EIF2S2: variants seen among roughly 807,000 people sequenced by gnomAD.
EIF2S2 encodes eukaryotic translation initiation factor 2 subunit beta.
Under a neutral mutation model 44.0 loss-of-function variants are expected in EIF2S2, and 4 were observed. The observed-to-expected ratio is 0.09, with a 90% CI of 0.04 to 0.21. EIF2S2 has a LOEUF of 0.21. Among genes scored for constraint, EIF2S2 ranks in the 10% least tolerant of loss-of-function variants. The pLI, the probability that EIF2S2 is intolerant of heterozygous loss-of-function variation, is 1.00. For synonymous variants in EIF2S2, 108 were observed against 128.3 expected (o/e 0.84, Z 1.07); for missense variants, 154 against 392.0 (o/e 0.39, Z 5.13).
chr20:34,103,590 T>C (rs2034317222), intron 2 of EIF2S2, 25 bp from the exon 3 acceptor site: 3 of 1,525,616 alleles, frequency 2.0e-6, no homozygotes, highest in Non-Finnish European at 2.6e-6. Flanking sequence ...GCATAATTAT[T>C]AACAACTAAA....
chr20:34,103,204 G>T (rs913281672), intron 3 of EIF2S2, among the ~76,000 whole-genome samples: 4 of 152,226 alleles, frequency 2.6e-5, no homozygotes, highest in Non-Finnish European at 4.4e-5. Flanking sequence ...TCTCAGTATA[G>T]TTAAGGACAA....
chr20:34,112,231 G>C lies in EIF2S2; in HGVS notation c.-121C>G. The C allele has an allele frequency of 8.9e-7, 1 of 1,123,390 alleles. No individual in the cohort carries two copies. Among genetic ancestry groups the C allele is most frequent in the African/African-American group, 1.6e-5 (1 of 61,784 alleles). 69.6% of individuals were successfully genotyped at this position (1,123,390 alleles called of 1,614,324 possible). On this transcript the variant is annotated 5_prime_UTR_variant, in exon 1 of 9. Coordinates refer to ENST00000374980, the MANE Select transcript of EIF2S2 (RefSeq NM_003908.5). ...CACCGCACTAGGCTCTTGCATCAGC[G>C]AAAGGAAACGACACCCCGCCCTCTC...
At chr20:34,096,924 TTAC>T in intron 5 of EIF2S2, 119 bp from the exon 6 acceptor site, 1 of 1,120,394 alleles carries the variant, frequency 8.9e-7, no homozygotes, top group Non-Finnish European at 1.3e-6. Context: ...TACACATGCA[TTAC>T]TACAAGTCTG....
intron 4 of EIF2S2, 87 bp downstream of exon 4, chr20:34,098,411 T>G: frequency 6.7e-7 from 1 of 1,500,196 alleles, no homozygotes; most frequent in Non-Finnish European, 8.9e-7. Flanking sequence ...AGAAAAAAAT[T>G]TTAAAAGCAC....
In EIF2S2 at chr20:34,103,496, A is replaced by G. The variant is rs1258662550; in HGVS notation, c.263T>C (p.Ile88Thr). The G allele has an allele frequency of 6.4e-7, 1 of 1,567,062 alleles. No individual in the cohort carries two copies. Among genetic ancestry groups the G allele is most frequent in the Non-Finnish European group, 8.7e-7 (1 of 1,152,740 alleles). The part of the protein sequence containing the change: ...QKKKKKKTKK[I>T]FDIDEAEEGV... The stretch of plus-strand genomic sequence containing the variant: ...TTCTTCAGCTTCATCAATATCAAAT[A>G]TCTTTTTAGTTTTTTTCTTCTTTTT... Residue 88 changes from isoleucine (I) to threonine (T), a missense_variant, in exon 3 of 9, where the codon ATA (isoleucine) becomes ACA (threonine). Physicochemically the swap from Ile to Thr is moderately conservative, Grantham distance 89. Coordinates refer to ENST00000374980, the MANE Select transcript of EIF2S2 (RefSeq NM_003908.5).
At chr20:34,109,487 C>G (rs1885825050) in intron 1 of EIF2S2, among the ~76,000 whole-genome samples, 1 of 151,830 alleles carries the variant, frequency 6.6e-6, no homozygotes, top group Non-Finnish European at 1.5e-5. Context: ...CAAAGCAAGA[C>G]CTCATTTCTA....
At position 34,089,718 on chromosome 20, in the gene EIF2S2, G is replaced by A. The variant is rs1370185483; in HGVS notation, c.*12C>T. On this transcript the variant is annotated 3_prime_UTR_variant, in exon 9 of 9. Coordinates refer to ENST00000374980, the MANE Select transcript of EIF2S2 (RefSeq NM_003908.5). ...CTCCACAACAAGCTTTGCAAAATCA[G>A]TGATTAGCAAATTAGTTAGCTTTGG... The A allele has an allele frequency of 1.9e-6, 3 of 1,605,160 alleles. No homozygotes were observed. In the African/African-American group the frequency reaches 4.0e-5, roughly 22 times the overall value.
chr20:34,098,255 A>G (rs1316006688), intron 4 of EIF2S2, among the ~76,000 whole-genome samples: 1 of 152,174 alleles, frequency 6.6e-6, no homozygotes, highest in African/African-American at 2.4e-5. Flanking sequence ...TCAAAAAAAA[A>G]AAAAAAATCC....
Position 34,105,560 on chromosome 20 carries a change from AAAAAC to A in EIF2S2, c.16-20_16-16del, listed in dbSNP as rs777840851. The A allele has an allele frequency of 1.0e-5, 16 of 1,532,784 alleles. No homozygotes were observed. The highest frequency in any genetic ancestry group is 1.3e-5 in the Non-Finnish European group (15 of 1,145,672). 94.9% of individuals were successfully genotyped at this position (1,532,784 alleles called of 1,614,324 possible). On this transcript the variant is annotated splice_polypyrimidine_tract_variant and intron_variant, in intron 1 of 8. Transcript: ENST00000374980. Reference sequence around the variant, plus strand: ...TCAAAAATCATCTGTTTAAAAGACAAAAAACAAAAAGGGACCAAATGATTGTTTTT... The same window carrying A: ...TCAAAAATCATCTGTTTAAAAGACAAAAAAAGGGACCAAATGATTGTTTTT...
chr20:34,103,393 A>G, intron 3 of EIF2S2, 69 bp downstream of exon 3: 1 of 1,469,548 alleles, frequency 6.8e-7, no homozygotes, highest in South Asian at 1.3e-5. Flanking sequence ...AGTCAAAGAG[A>G]GGGAAACATC....
At position 34,089,422 on chromosome 20, in the gene EIF2S2, C is replaced by T. The variant is rs1432918812; in HGVS notation, c.*308G>A. ...ATTTATAGAAAAGAAAACTGAAGGA[C>T]AAACCAAATTGAAAGAATCACTGTT... On this transcript the variant is annotated 3_prime_UTR_variant, in exon 9 of 9. Transcript: ENST00000374980. The T allele has an allele frequency of 3.6e-6, 1 of 274,956 alleles. No individual in the cohort carries two copies. Among genetic ancestry groups the T allele is most frequent in the Non-Finnish European group, 6.7e-6 (1 of 148,998 alleles). The allele number at this position is 274,956 out of a possible 1,614,324, so 17.0% of individuals were successfully genotyped here.
rs1172702444 is a variant in EIF2S2, at chr20:34,097,416, C to G, written c.534G>C (p.Glu178Asp). The G allele has an allele frequency of 6.2e-7, 1 of 1,611,966 alleles. No individual in the cohort carries two copies. Among genetic ancestry groups the G allele is most frequent in the Non-Finnish European group, 8.5e-7 (1 of 1,179,234 alleles). Residue 178 changes from glutamate to aspartate, a missense_variant and splice_region_variant, in exon 5 of 9, where the codon GAG (glutamate) becomes GAC (aspartate). Around this residue, in one of 2 missense-constraint regions of EIF2S2, gnomAD observed 134 missense variants for 225.0 expected, o/e 0.60. Coordinates refer to ENST00000374980, the MANE Select transcript of EIF2S2 (RefSeq NM_003908.5). The stretch of plus-strand genomic sequence containing the variant: ...CTTTTCACAACAGATTTTGTCTTAC[C>G]TCCTCGTATGTGTAGTCTCTTTCTG... ...AGSERDYTYE[E>D]LLNRVFNIMR...
intron 4 of EIF2S2, among the ~76,000 whole-genome samples, chr20:34,098,161 G>A (rs148072834): frequency 9.6e-4 from 146 of 151,884 alleles, no homozygotes; most frequent in African/African-American, 3.4e-3. Flanking sequence ...CGGGAGAATC[G>A]CTTGAACCCG....
At chr20:34,100,284 G>C (rs934871766) in intron 3 of EIF2S2, among the ~76,000 whole-genome samples, 1 of 152,146 alleles carries the variant, frequency 6.6e-6, no homozygotes, top group Admixed American at 6.5e-5. Flanking sequence ...CAAAGTGCTG[G>C]GATTATAGGT....
chr20:34,093,216 A>G (rs1357150464), intron 7 of EIF2S2, among the ~76,000 whole-genome samples: 1 of 152,188 alleles, frequency 6.6e-6, no homozygotes, highest in African/African-American at 2.4e-5. Flanking sequence ...TCAAAAGGTG[A>G]GCCCTGAAGA....
chr20:34,108,705 C>T (rs1437377862), intron 1 of EIF2S2, among the ~76,000 whole-genome samples: 1 of 152,102 alleles, frequency 6.6e-6, no homozygotes. Context: ...TTGGAGAGGG[C>T]AAAGAAAAGG....
chr20:34,109,943 A>C (rs2034393307), intron 1 of EIF2S2, among the ~76,000 whole-genome samples: 1 of 151,494 alleles, frequency 6.6e-6, no homozygotes, highest in Non-Finnish European at 1.5e-5. Context: ...AAAATACAAA[A>C]AAAAAATTAG....
At chr20:34,101,393 G>A (rs6142099) in intron 3 of EIF2S2, among the ~76,000 whole-genome samples, 23,918 of 152,000 alleles carry the variant, frequency 0.16, 2,713 homozygotes, top group East Asian at 0.47. Flanking sequence ...CCGAGATTGC[G>A]CCACTGCACT....
intron 2 of EIF2S2, 82 bp downstream of exon 2, chr20:34,105,286 G>A: frequency 6.8e-7 from 1 of 1,465,018 alleles, no homozygotes; most frequent in Non-Finnish European, 9.3e-7. Context: ...AGGCTGAGAG[G>A]TCGCTGCATA....
Sources: gnomAD v4.1 joint callset for allele counts (sites outside exome capture counted in the v4.1 genomes callset) on GRCh38, gnomAD v4.1.1 for gene constraint, gnomAD v4.1.1 regional missense constraint, MANE v1.5 for transcripts, NCBI Gene and HGNC (gene_info 2026-07-23, HGNC 2026-07-21) for gene names.